TENM1: variants seen among roughly 807,000 people sequenced by gnomAD.
TENM1 encodes the protein teneurin-1.
Under a neutral mutation model 174.8 loss-of-function variants are expected in TENM1, and 35 were observed. The ratio of observed to expected loss-of-function variants is 0.20; its 90% CI spans 0.15 to 0.27. The LOEUF (loss-of-function observed/expected upper bound fraction) is 0.27, where lower values mean the gene tolerates loss of function less well. TENM1 is among the 10% of genes least tolerant of loss of function. The probability of loss-of-function intolerance (pLI) is 1.00; values close to 1 mark genes in which losing one functional copy is unlikely to be tolerated. For missense variants in TENM1, 1,633 were observed against 2,130.1 expected (o/e 0.77, Z 4.59); for synonymous variants, 781 against 798.7 (o/e 0.98, Z 0.37).
chrX:124,549,891 T>C (rs2148127434), intron 14 of TENM1, among the ~76,000 whole-genome samples: 1 of 103,294 alleles, frequency 9.7e-6, no homozygotes, highest in African/African-American at 3.6e-5. Flanking sequence ...ATGTGCCTTG[T>C]TTTTTGGCTA....
At chrX:124,382,514 G>A (rs1054199743) in intron 31 of TENM1, among the ~76,000 whole-genome samples, 156 bp downstream of exon 34, 5 of 110,713 alleles carry the variant, frequency 4.5e-5, no homozygotes, top group East Asian at 5.6e-4. Context: ...TTTTCTCATG[G>A]AGCTTTTTTT....
At chrX:125,032,474 T>A in the TENM1 span, among the ~76,000 whole-genome samples, 1 of 111,022 alleles carries the variant, frequency 9.0e-6, no homozygotes, top group Non-Finnish European at 1.9e-5. Context: ...CCAGCCAAAT[T>A]CATCTTATAT....
At chrX:125,155,780 A>C in the TENM1 span, among the ~76,000 whole-genome samples, 1 of 112,208 alleles carries the variant, frequency 8.9e-6, no homozygotes, top group Non-Finnish European at 1.9e-5. Context: ...GCCCACACCC[A>C]CCCGGAACTC....
chrX:124,383,037 C>A (rs1445162108), intron 30 of TENM1, among the ~76,000 whole-genome samples: 1 of 110,078 alleles, frequency 9.1e-6, no homozygotes, highest in African/African-American at 3.3e-5. Flanking sequence ...CTCACTGCAA[C>A]CTCCACCTCT....
the TENM1 span, among the ~76,000 whole-genome samples, chrX:125,190,861 T>C: frequency 1.2e-4 from 13 of 111,605 alleles, no homozygotes; most frequent in African/African-American, 4.2e-4. Context: ...TCAGAAATAA[T>C]CATTTTTAGC....
chrX:124,439,825 G>A (rs969845359), intron 23 of TENM1, among the ~76,000 whole-genome samples: 1 of 110,752 alleles, frequency 9.0e-6, no homozygotes, highest in Non-Finnish European at 1.9e-5. Flanking sequence ...TCTATTGAAC[G>A]CTTATGAGCC....
At chrX:125,166,368 T>C in the TENM1 span, among the ~76,000 whole-genome samples, 1 of 111,262 alleles carries the variant, frequency 9.0e-6, no homozygotes, top group African/African-American at 3.3e-5. Context: ...TTTTCACAAG[T>C]GCCTTGGGCA....
intron 21 of TENM1, 87 bp downstream of exon 24, chrX:124,487,122 A>C: frequency 5.3e-6 from 5 of 935,303 alleles, no homozygotes; most frequent in Non-Finnish European, 7.5e-6. Context: ...TTATTTAGGA[A>C]GAAAAATTTC....
In TENM1 at chrX:124,650,151, G is replaced by A. The variant is rs1255310221; in HGVS notation, c.1579+1763C>T. On this transcript the variant is annotated intron_variant, in intron 8 of 31. Coordinates refer to ENST00000422452, the Ensembl canonical transcript of TENM1. ...CAGGAGGCGAAGGTTGCAGTGAGCC[G>A]AGATCGTGCCATTGCACTCCAGCCT... 3.2e-5 allele frequency among the ~76,000 whole-genome samples: 3 copies of A among 93,426 alleles called. No individual in the cohort carries two copies. The East Asian group carries it at 1.1e-3, about 34-fold the overall frequency. 81.1% of individuals were successfully genotyped at this position (93,426 alleles called of 115,157 possible).
At chrX:125,128,960 C>G in the TENM1 span, among the ~76,000 whole-genome samples, 1 of 110,761 alleles carries the variant, frequency 9.0e-6, no homozygotes, top group African/African-American at 3.3e-5. Context: ...ATAGGGCCTC[C>G]AAAGAAGTAA....
At chrX:124,649,876 T>C (rs2051252103) in intron 8 of TENM1, among the ~76,000 whole-genome samples, 1 of 111,085 alleles carries the variant, frequency 9.0e-6, no homozygotes. Context: ...GGCTTCTTTT[T>C]ACTCTGATTA....
chrX:124,633,083 C>T (rs891444699), intron 11 of TENM1, among the ~76,000 whole-genome samples: 1 of 112,042 alleles, frequency 8.9e-6, no homozygotes, highest in East Asian at 2.8e-4. Context: ...TAAATACTTC[C>T]TTTTGGGATC....
intron 5 of TENM1, chrX:124,688,628 G>A (rs191950783): frequency 8.6e-5 from 11 of 127,395 alleles, no homozygotes; most frequent in African/African-American, 2.6e-4. Flanking sequence ...GGTACAATTC[G>A]CACAGCAATA....
chrX:125,139,857 CGGAGAGAGAG>C, the TENM1 span, among the ~76,000 whole-genome samples: 18,515 of 71,508 alleles, frequency 0.26, 1,898 homozygotes, highest in East Asian at 0.43. Context: ...CACACACACA[CGGAGAGAGAG>C]AGAGAGAGAG....
chrX:124,978,558 G>T, the TENM1 span, among the ~76,000 whole-genome samples: 1 of 111,779 alleles, frequency 8.9e-6, no homozygotes, highest in South Asian at 3.8e-4. Flanking sequence ...GGCTATATCT[G>T]TGAAATATGT....
At chrX:124,626,286 A>AT (rs757862553) in intron 11 of TENM1, among the ~76,000 whole-genome samples, 75 of 111,500 alleles carry the variant, frequency 6.7e-4, no homozygotes, top group African/African-American at 2.3e-3. Flanking sequence ...GATAACTAAG[A>AT]TTTTTTTTGA....
intron 1 of TENM1, among the ~76,000 whole-genome samples, chrX:124,909,529 A>T (rs2057803030): frequency 8.9e-6 from 1 of 112,315 alleles, no homozygotes; most frequent in Non-Finnish European, 1.9e-5. Flanking sequence ...CTATGCATAT[A>T]TCATTAATAG....
intron 4 of TENM1, among the ~76,000 whole-genome samples, chrX:124,728,069 G>A (rs2053482380): frequency 1.8e-5 from 2 of 110,407 alleles, no homozygotes; most frequent in South Asian, 7.9e-4. Context: ...GCAGTCACAG[G>A]ACTGTGCCAC....
At chrX:124,758,048 CAA>C (rs1399110403) in intron 3 of TENM1, among the ~76,000 whole-genome samples, 1 of 111,293 alleles carries the variant, frequency 9.0e-6, no homozygotes, top group Admixed American at 9.6e-5. Context: ...AGGAAACAAT[CAA>C]AAGAGTGAAA....
Sources: gnomAD v4.1 joint callset for allele counts (sites outside exome capture counted in the v4.1 genomes callset) on GRCh38, gnomAD v4.1.1 for gene constraint, MANE v1.5 for transcripts, NCBI Gene and HGNC (gene_info 2026-07-23, HGNC 2026-07-21) for gene names.